SGCG: variants seen among roughly 807,000 people sequenced by gnomAD.
SGCG encodes the protein gamma-sarcoglycan.
SGCG carries 26 observed loss-of-function variants against 29.3 expected under a neutral mutation model. The ratio of observed to expected loss-of-function variants is 0.89; its 90% confidence interval spans 0.65 to 1.23. The LOEUF is 1.23. Ranked by LOEUF, SGCG falls within the 50% of genes most tolerant of loss-of-function variation. The pLI, the probability that SGCG is intolerant of heterozygous loss-of-function variation, is 0.00. For synonymous variants in SGCG, 145 were observed against 129.7 expected (o/e 1.12, Z -0.80); for missense variants, 353 against 356.0 (o/e 0.99, Z 0.07).
chr13:23,246,136 A>C (rs2137561214), intron 3 of SGCG: 1 of 154,008 alleles, frequency 6.5e-6, no homozygotes, highest in African/African-American at 2.4e-5. Context: ...CAGCCACCAG[A>C]GCTTCCTGAG....
intron 6 of SGCG, among the ~76,000 whole-genome samples, chr13:23,297,813 C>T (rs1454377553): frequency 1.3e-5 from 2 of 152,128 alleles, no homozygotes; most frequent in East Asian, 2.0e-4. Flanking sequence ...GGCACACTCT[C>T]GGCTTACTGC....
intron 5 of SGCG, among the ~76,000 whole-genome samples, chr13:23,294,487 A>C (rs1881831245): frequency 6.6e-6 from 1 of 152,148 alleles, no homozygotes; most frequent in Non-Finnish European, 1.5e-5. Context: ...TGTTCATAAA[A>C]GTTTATTTAT....
chr13:23,277,550 A>G (rs1485599770), intron 4 of SGCG, among the ~76,000 whole-genome samples: 2 of 152,180 alleles, frequency 1.3e-5, no homozygotes, highest in African/African-American at 4.8e-5. Flanking sequence ...GAACACTTGG[A>G]TGACCATGTC....
At chr13:23,164,172 A>G in the SGCG span, among the ~76,000 whole-genome samples, 2 of 152,332 alleles carry the variant, frequency 1.3e-5, no homozygotes, top group Admixed American at 6.5e-5. Flanking sequence ...TTACTTGCCA[A>G]AAATATGTAT....
At chr13:23,305,144 T>A (rs551126796) in intron 6 of SGCG, among the ~76,000 whole-genome samples, 34 of 152,340 alleles carry the variant, frequency 2.2e-4, no homozygotes, top group African/African-American at 7.7e-4. Flanking sequence ...AGTTTTTAAA[T>A]TACCTTAGGG....
At chr13:23,210,669 C>T (rs1215084210) in intron 2 of SGCG, among the ~76,000 whole-genome samples, 6 of 152,046 alleles carry the variant, frequency 3.9e-5, no homozygotes, top group Admixed American at 2.0e-4. Context: ...CCAGCCTGGG[C>T]GACAGAGCAA....
intron 1 of SGCG, among the ~76,000 whole-genome samples, chr13:23,194,566 G>C (rs960373345): frequency 6.6e-6 from 1 of 152,196 alleles, no homozygotes; most frequent in Non-Finnish European, 1.5e-5. Context: ...TGTTGGCAGT[G>C]CAGTGTTAGG....
chr13:23,201,603 ACAG>A, intron 1 of SGCG, among the ~76,000 whole-genome samples: 1 of 152,184 alleles, frequency 6.6e-6, no homozygotes. Flanking sequence ...CCAGAAAAAC[ACAG>A]CCTTGCCCAC....
chr13:23,221,910 A>G (rs1180596180), intron 2 of SGCG, among the ~76,000 whole-genome samples: 1 of 152,208 alleles, frequency 6.6e-6, no homozygotes, highest in Non-Finnish European at 1.5e-5. Context: ...CTGTGCACTG[A>G]CTGAAAGCCA....
At chr13:23,241,540 T>A (rs1879516487) in intron 3 of SGCG, among the ~76,000 whole-genome samples, 1 of 152,156 alleles carries the variant, frequency 6.6e-6, no homozygotes. Flanking sequence ...CTACCAAACA[T>A]TTAAAGAAGA....
chr13:23,238,223 ACAGGGTTGGGAGGCCAAGGAATCCAAGG>A (rs558806682), intron 3 of SGCG, among the ~76,000 whole-genome samples: 9 of 152,118 alleles, frequency 5.9e-5, no homozygotes, highest in Non-Finnish European at 1.3e-4. Flanking sequence ...AGTTGAAGAG[ACAGGGTTGGGAGGCCAAGGAATCCAAGG>A]CAGCTGCAGT....
intron 5 of SGCG, among the ~76,000 whole-genome samples, chr13:23,286,168 C>T (rs898921680): frequency 6.6e-6 from 1 of 152,204 alleles, no homozygotes; most frequent in African/African-American, 2.4e-5. Flanking sequence ...AATATTTCAC[C>T]TCTCAGTGCT....
chr13:23,324,312 C>G, intron 7 of SGCG, 56 bp from the exon 8 acceptor site: 1 of 1,521,144 alleles, frequency 6.6e-7, no homozygotes, highest in Non-Finnish European at 9.1e-7. Context: ...TGGGGATTTG[C>G]TGCTGACCAG....
At chr13:23,199,922 AG>A (rs781656605) in intron 1 of SGCG, among the ~76,000 whole-genome samples, 18 of 152,174 alleles carry the variant, frequency 1.2e-4, no homozygotes, top group Non-Finnish European at 2.9e-5. Context: ...AGCCAAAGAC[AG>A]CACATTCCCC....
chr13:23,255,914 C>T (rs1474502148), intron 4 of SGCG, among the ~76,000 whole-genome samples: 2 of 152,146 alleles, frequency 1.3e-5, no homozygotes, highest in African/African-American at 4.8e-5. Context: ...ACACCATGAA[C>T]CAAATGGGAA....
chr13:23,291,962 C>G lies in SGCG; in HGVS notation c.506-3453C>G, dbSNP rs189183014. On this transcript the variant is annotated intron_variant, in intron 5 of 7. Transcript: ENST00000218867. ...TAGCTGCTGAAATGGCCTGCTGTCA[C>G]CCTAAGACCAGTGTTACCTAGTAAA... Among the ~76,000 whole-genome samples, 16 of 152,270 alleles carry G rather than the reference C, an allele frequency of 1.1e-4. No homozygotes were observed. In the East Asian group the frequency reaches 3.1e-3, roughly 29 times the overall value.
chr13:23,249,282 T>C (rs1289668051), intron 3 of SGCG, among the ~76,000 whole-genome samples: 1 of 152,214 alleles, frequency 6.6e-6, no homozygotes. Flanking sequence ...TTACTCTTAG[T>C]GGTCCCTGGG....
upstream of SGCG, among the ~76,000 whole-genome samples, chr13:23,178,534 AAC>A (rs770330845): frequency 4.5e-4 from 69 of 152,228 alleles, 1 homozygote; most frequent in Non-Finnish European, 8.4e-4. Flanking sequence ...GTTAGCTTAT[AAC>A]GTCATGAGAA....
intron 2 of SGCG, among the ~76,000 whole-genome samples, chr13:23,206,064 T>C (rs1392707873): frequency 2.0e-5 from 3 of 152,246 alleles, no homozygotes; most frequent in Non-Finnish European, 4.4e-5. Context: ...TTATCCTATA[T>C]GTTTTGAAAC....
Sources: gnomAD v4.1 joint callset for allele counts (sites outside exome capture counted in the v4.1 genomes callset) on GRCh38, gnomAD v4.1.1 for gene constraint, MANE v1.5 for transcripts, NCBI Gene and HGNC (gene_info 2026-07-23, HGNC 2026-07-21) for gene names.